HNF1B: variants seen among roughly 807,000 people sequenced by gnomAD.
The protein encoded by HNF1B is hepatocyte nuclear factor 1-beta.
A neutral mutation model predicts 61.7 loss-of-function variants in HNF1B; 8 were observed. That is an observed-to-expected ratio of 0.13 (90% confidence interval 0.08 to 0.23). The LOEUF is 0.23. Among genes scored for constraint, HNF1B ranks in the 10% least tolerant of loss-of-function variants. The pLI is 1.00. For synonymous variants in HNF1B, 314 were observed against 287.7 expected (o/e 1.09, Z -0.93); for missense variants, 562 against 714.5 (o/e 0.79, Z 2.43).
At chr17:37,712,401 C>T (rs1405183362) in intron 4 of HNF1B, among the ~76,000 whole-genome samples, 1 of 152,202 alleles carries the variant, frequency 6.6e-6, no homozygotes, top group Non-Finnish European at 1.5e-5. Context: ...GCAGCCCCCA[C>T]GTCTCCTGTT....
chr17:37,732,567 G>A (rs917958042), intron 3 of HNF1B, among the ~76,000 whole-genome samples: 219 of 152,318 alleles, frequency 1.4e-3, no homozygotes, highest in South Asian at 6.2e-4. Context: ...CAGAGAAAGC[G>A]CACACAGGCC....
At chr17:37,714,706 A>T (rs972689151) in intron 4 of HNF1B, among the ~76,000 whole-genome samples, 2 of 152,210 alleles carry the variant, frequency 1.3e-5, no homozygotes, top group African/African-American at 4.8e-5. Flanking sequence ...ACAGACGCAG[A>T]TCATTCGGTT....
In HNF1B at chr17:37,692,488, T is replaced by C. The variant is rs141647575; in HGVS notation, c.1654-5096A>G. Among the ~76,000 whole-genome samples, 1,103 of 152,284 alleles carry C rather than the reference T, an allele frequency of 7.2e-3. 3 individuals are homozygous for C. Among genetic ancestry groups the C allele is most frequent in the Non-Finnish European group, 0.013 (899 of 68,020 alleles). On this transcript the variant is annotated intron_variant, in intron 8 of 8. Coordinates refer to ENST00000617811, the MANE Select transcript of HNF1B (RefSeq NM_000458.4). Reference sequence around the variant, plus strand: ...TCAGTTTTCTGCTTTGTAAATCAGGTATAAAAATAACGACCTTGCAGAATG... The same window carrying C: ...TCAGTTTTCTGCTTTGTAAATCAGGCATAAAAATAACGACCTTGCAGAATG...
intron 4 of HNF1B, among the ~76,000 whole-genome samples, chr17:37,723,558 G>A (rs1216599602): frequency 6.6e-6 from 1 of 152,088 alleles, no homozygotes; most frequent in East Asian, 1.9e-4. Context: ...AATATGCCTT[G>A]TGGATGTCAC....
At chr17:37,739,700 T>C in intron 1 of HNF1B, 61 bp from the exon 2 acceptor site, 1 of 1,391,842 alleles carries the variant, frequency 7.2e-7, no homozygotes, top group Non-Finnish European at 1.0e-6. Flanking sequence ...AAACATTCTT[T>C]TTCTAGGGGG....
chr17:37,738,035 C>CAGCA (rs2033885459), intron 2 of HNF1B, among the ~76,000 whole-genome samples: 1 of 152,124 alleles, frequency 6.6e-6, no homozygotes, highest in Non-Finnish European at 1.5e-5. Flanking sequence ...TACAGAGAGG[C>CAGCA]AGCACAGACT....
intron 4 of HNF1B, among the ~76,000 whole-genome samples, chr17:37,724,964 T>A (rs564424853): frequency 6.6e-6 from 1 of 152,002 alleles, no homozygotes; most frequent in East Asian, 1.9e-4. Flanking sequence ...TATATATGTA[T>A]GTATATTTCT....
At chr17:37,726,768 G>A (rs1368321525) in intron 4 of HNF1B, among the ~76,000 whole-genome samples, 1 of 152,194 alleles carries the variant, frequency 6.6e-6, no homozygotes, top group Non-Finnish European at 1.5e-5. Flanking sequence ...AGCAGCCACA[G>A]AAATAAATGT....
At chr17:37,693,207 A>AG (rs1388955300) in intron 8 of HNF1B, among the ~76,000 whole-genome samples, 1 of 150,216 alleles carries the variant, frequency 6.7e-6, no homozygotes, top group East Asian at 1.9e-4. Flanking sequence ...AAAAAAAAAA[A>AG]AAAAAAGAGT....
At chr17:37,715,549 T>C (rs1374397827) in intron 4 of HNF1B, among the ~76,000 whole-genome samples, 1 of 152,200 alleles carries the variant, frequency 6.6e-6, no homozygotes, top group Non-Finnish European at 1.5e-5. Flanking sequence ...AGGAGAATAC[T>C]AACAATGCTC....
intron 4 of HNF1B, chr17:37,729,566 A>C (rs2033620659): frequency 6.6e-6 from 1 of 152,128 alleles, no homozygotes; most frequent in African/African-American, 2.4e-5. Context: ...CCCCAAACAA[A>C]ACCTCCATCT....
At chr17:37,708,046 T>C (rs1261307805) in intron 5 of HNF1B, among the ~76,000 whole-genome samples, 1 of 152,178 alleles carries the variant, frequency 6.6e-6, no homozygotes, top group Admixed American at 6.6e-5. Context: ...CCCTATGACG[T>C]AGGCATCATT....
chr17:37,720,976 C>T (rs993768970), intron 4 of HNF1B: 1 of 983,430 alleles, frequency 1.0e-6, no homozygotes, highest in Non-Finnish European at 1.2e-6. Context: ...TTGTGCCCAT[C>T]GTGCAAACTG....
intron 2 of HNF1B, among the ~76,000 whole-genome samples, chr17:37,734,823 T>C (rs2033787989): frequency 6.6e-6 from 1 of 151,028 alleles, no homozygotes; most frequent in Non-Finnish European, 1.5e-5. Flanking sequence ...AGTTTGCCTC[T>C]TGTTGCCCAG....
chr17:37,699,307 G>C, intron 7 of HNF1B, 113 bp from the exon 8 acceptor site: 3 of 813,332 alleles, frequency 3.7e-6, no homozygotes, highest in Non-Finnish European at 6.6e-6. Context: ...AAAAGGGCTG[G>C]TGGTTATAGT....
At chr17:37,695,343 CTTCCACCTAGA>C (rs1232580926) in intron 8 of HNF1B, among the ~76,000 whole-genome samples, 2 of 152,266 alleles carry the variant, frequency 1.3e-5, no homozygotes, top group Non-Finnish European at 2.9e-5. Flanking sequence ...GGTTTGGCAG[CTTCCACCTAGA>C]TTTCAAAGGC....
chr17:37,707,467 C>T (rs544418208), intron 5 of HNF1B, among the ~76,000 whole-genome samples: 1 of 152,168 alleles, frequency 6.6e-6, no homozygotes, highest in Non-Finnish European at 1.5e-5. Flanking sequence ...AGGGCACTGC[C>T]AAGGGTATCA....
At chr17:37,727,833 G>A (rs913615600) in intron 4 of HNF1B, among the ~76,000 whole-genome samples, 7 of 152,122 alleles carry the variant, frequency 4.6e-5, no homozygotes, top group African/African-American at 1.7e-4. Context: ...CGTCTCCAAG[G>A]TGCTGCCAGC....
At chr17:37,740,996 G>A (rs1465751045) in intron 1 of HNF1B, among the ~76,000 whole-genome samples, 1 of 151,922 alleles carries the variant, frequency 6.6e-6, no homozygotes, top group East Asian at 1.9e-4. Flanking sequence ...ATATATACAT[G>A]TTTACTATTT....
Sources: gnomAD v4.1 joint callset for allele counts (sites outside exome capture counted in the v4.1 genomes callset) on GRCh38, gnomAD v4.1.1 for gene constraint, MANE v1.5 for transcripts, NCBI Gene and HGNC (gene_info 2026-07-23, HGNC 2026-07-21) for gene names.